The following OR1C1 variants were observed in gnomAD, a reference collection of about 807,000 sequenced individuals.
OR1C1 encodes the protein olfactory receptor family 1 subfamily C member 1.
For synonymous variants in OR1C1, 153 were observed against 154.6 expected, an observed-to-expected ratio of 0.99 and a Z score of 0.08; for missense variants, 407 against 384.3, an observed-to-expected ratio of 1.06 and a Z score of -0.49.
rs1031287267 is a variant in OR1C1, at chr1:247,757,258, C to T, written c.*204G>A. 3.7e-6 allele frequency: 2 copies of T among 535,720 alleles called. No homozygotes were observed. Among genetic ancestry groups the T allele is most frequent in the African/African-American group, 3.8e-5 (2 of 52,938 alleles). The allele number at this position is 535,720 out of a possible 1,614,324, so 33.2% of individuals were successfully genotyped here. ...GACTATTTAACTTCCCTAAGATTCA[C>T]TTTCTGTATAAAGAATGCTATATGG... On this transcript the variant is annotated 3_prime_UTR_variant, in exon 2 of 2. Transcript: ENST00000641256.
chr1:247,759,664 G>A (rs1661294888), intron 1 of OR1C1, among the ~76,000 whole-genome samples: 1 of 152,074 alleles, frequency 6.6e-6, no homozygotes, highest in Non-Finnish European at 1.5e-5. Context: ...TTTATGCTAA[G>A]ACAGCTGATT....
Position 247,757,652 on chromosome 1 carries a change from T to TA in OR1C1, c.754dup (p.Tyr252LeufsTer18). On this transcript the variant is annotated frameshift_variant, in exon 2 of 2. Coordinates refer to ENST00000641256, the MANE Select transcript of OR1C1 (RefSeq NM_012353.3). LOFTEE classifies it low-confidence loss of function (END_TRUNC). ...GAAATAGACGGCGATGGCTGTGCCG[T>TA]AAAACAACACCACCACTGACAGGTG... 1.2e-6 allele frequency: 2 copies of TA among 1,613,922 alleles called. No individual in the cohort carries two copies. Among genetic ancestry groups the TA allele is most frequent in the Non-Finnish European group, 1.7e-6 (2 of 1,179,986 alleles).
Position 247,757,458 on chromosome 1 carries a change from G to A in OR1C1, c.*4C>T, listed in dbSNP as rs780462743. 4 of 1,603,200 alleles carry A rather than the reference G, an allele frequency of 2.5e-6. No homozygotes were observed. The highest frequency in any genetic ancestry group is 3.3e-5 in the Admixed American group (2 of 59,810). ...AGTATTATTTAATTCAGTCACTGAG[G>A]TCATTATTGCTGCTGAAAGACTGTG... On this transcript the variant is annotated 3_prime_UTR_variant, in exon 2 of 2. Coordinates refer to ENST00000641256, the MANE Select transcript of OR1C1 (RefSeq NM_012353.3).
At position 247,754,972 on chromosome 1, in the gene OR1C1, GGTA is replaced by G. The variant is rs1428225568; in HGVS notation, c.*2487_*2489del. On this transcript the variant is annotated 3_prime_UTR_variant, in exon 2 of 2. Coordinates refer to ENST00000641256, the MANE Select transcript of OR1C1 (RefSeq NM_012353.3). ...AAGATACAGTAATCAAAAATGGCAT[GGTA>G]CTGGCATAAAAATAGACACATAGAA... The G allele has an allele frequency of 2.0e-5, 3 of 152,022 alleles. No individual in the cohort carries two copies. The highest frequency in any genetic ancestry group is 6.6e-5 in the Admixed American group (1 of 15,258). The allele number at this position is 152,022 out of a possible 1,614,324, so 9.4% of individuals were successfully genotyped here. A position where few individuals can be genotyped will look rare whatever the true frequency, so the allele number is the denominator to read the frequency against.
chr1:247,760,093 A>G (rs1263569331), intron 1 of OR1C1, among the ~76,000 whole-genome samples: 1 of 152,226 alleles, frequency 6.6e-6, no homozygotes, highest in Non-Finnish European at 1.5e-5. Context: ...TTAGGATATA[A>G]CACATATATG....
rs1435562145 is a variant in OR1C1 at position 247,755,728 on chromosome 1, C to T, written c.*1734G>A. ...CGGTGGGAATGTAGATTAGTATAGC[C>T]CTTATGGAAAACAGTATGACGTTTA... On this transcript the variant is annotated 3_prime_UTR_variant, in exon 2 of 2. Transcript: ENST00000641256. 2 of 151,750 alleles carry T rather than the reference C, an allele frequency of 1.3e-5. No homozygotes were observed. Among genetic ancestry groups the T allele is most frequent in the Non-Finnish European group, 2.9e-5 (2 of 67,940 alleles). 9.4% of individuals were successfully genotyped at this position (151,750 alleles called of 1,614,324 possible). A position where few individuals can be genotyped will look rare whatever the true frequency, so the allele number is the denominator to read the frequency against.
chr1:247,757,464 A>AT lies in OR1C1; in HGVS notation c.942dup (p.Ter315IlefsTer20). ...ATTTAATTCAGTCACTGAGGTCATT[A>AT]TTGCTGCTGAAAGACTGTGCACTTG... On this transcript the variant is annotated frameshift_variant, in exon 2 of 2. Transcript: ENST00000641256. LOFTEE classifies it high-confidence loss of function. 6.2e-7 allele frequency: 1 copy of AT among 1,609,094 alleles called. No individual in the cohort carries two copies. The highest frequency in any genetic ancestry group is 8.5e-7 in the Non-Finnish European group (1 of 1,176,444).
In OR1C1 at chr1:247,758,209, C is replaced by T; in HGVS notation, c.198G>A (p.Leu66=). The T allele has an allele frequency of 6.2e-7, 1 of 1,613,948 alleles. No individual in the cohort carries two copies. The highest frequency in any genetic ancestry group is 8.5e-7 in the Non-Finnish European group (1 of 1,179,984). Residue 66 remains leucine (L), a synonymous_variant, in exon 2 of 2, where the codon TTG becomes TTA. Coordinates refer to ENST00000641256, the MANE Select transcript of OR1C1 (RefSeq NM_012353.3). ...ACGTAAAGCAGATGTCAACAAAGGCCAAGTTACTAAGGAAGAAGTACATAG... is the reference window on the plus strand; with the variant it reads ...ACGTAAAGCAGATGTCAACAAAGGCTAAGTTACTAAGGAAGAAGTACATAG... The part of the protein sequence containing the change: ...HSPMYFFLSN[L]AFVDICFTST...
rs750401266 is a variant in OR1C1 at position 247,756,085 on chromosome 1, C to T, written c.*1377G>A. On this transcript the variant is annotated 3_prime_UTR_variant, in exon 2 of 2. Transcript: ENST00000641256. The surrounding 1 kb of genome is among the most constrained non-coding windows in gnomAD (Gnocchi z 4.3). ...AAAACTGAAGTTACAATTTACTTCA[C>T]CAATGCTTTTATTTATTTATTTATA... 2 of 152,138 alleles carry T rather than the reference C, an allele frequency of 1.3e-5. No homozygotes were observed. The highest frequency in any genetic ancestry group is 2.4e-5 in the African/African-American group (1 of 41,444). The allele number at this position is 152,138 out of a possible 1,614,324, so 9.4% of individuals were successfully genotyped here. A position where few individuals can be genotyped will look rare whatever the true frequency, so the allele number is the denominator to read the frequency against.
Position 247,757,840 on chromosome 1 carries a change from G to A in OR1C1, c.567C>T (p.Cys189=), listed in dbSNP as rs371761708. 6.2e-7 allele frequency: 1 copy of A among 1,614,016 alleles called. No homozygotes were observed. The highest frequency in any genetic ancestry group is 8.5e-7 in the Non-Finnish European group (1 of 1,179,968). The part of the protein sequence containing the change: ...CDLNPLLQLS[C]SDVSFNVMII... The stretch of plus-strand genomic sequence containing the variant: ...TCATTACATTGAAGGAGACGTCAGA[G>A]CAAGAGAGCTGCAGGAGAGGATTGA... The change falls in exon 2 of 2, where the codon TGC becomes TGT. Residue 189 remains cysteine (C), a synonymous_variant. Coordinates refer to ENST00000641256, the MANE Select transcript of OR1C1 (RefSeq NM_012353.3).
rs1460684135 is a variant in OR1C1, at chr1:247,754,903, G to A, written c.*2559C>T. ...AAACATCCCTGTGTACTCCATAAGT[G>A]TGTATGATTATTTTATGCCAATTAA... On this transcript the variant is annotated 3_prime_UTR_variant, in exon 2 of 2. Transcript: ENST00000641256. The A allele has an allele frequency of 1.3e-5, 2 of 152,128 alleles. No homozygotes were observed. The highest frequency in any genetic ancestry group is 6.6e-5 in the Admixed American group (1 of 15,258). 9.4% of individuals were successfully genotyped at this position (152,128 alleles called of 1,614,324 possible). A position where few individuals can be genotyped will look rare whatever the true frequency, so the allele number is the denominator to read the frequency against.
chr1:247,759,357 G>A (rs892380621), intron 1 of OR1C1, among the ~76,000 whole-genome samples: 21 of 152,120 alleles, frequency 1.4e-4, no homozygotes, highest in Non-Finnish European at 2.4e-4. Context: ...TAGGACCAAA[G>A]TTTTTTTCTG....
chr1:247,757,183 T>G lies in OR1C1; in HGVS notation c.*279A>C. ...ATCACAGAGATTCTCATCACTAAGG[T>G]ATATTTGTACTGGAGTCAGAAACTA... On this transcript the variant is annotated 3_prime_UTR_variant, in exon 2 of 2. Coordinates refer to ENST00000641256, the MANE Select transcript of OR1C1 (RefSeq NM_012353.3). The G allele has an allele frequency of 3.9e-6, 1 of 253,408 alleles. No individual in the cohort carries two copies. Among genetic ancestry groups the G allele is most frequent in the Non-Finnish European group, 7.2e-6 (1 of 139,162 alleles). 15.7% of individuals were successfully genotyped at this position (253,408 alleles called of 1,614,324 possible).
intron 1 of OR1C1, among the ~76,000 whole-genome samples, chr1:247,759,257 C>G (rs987388177): frequency 2.0e-5 from 3 of 152,116 alleles, no homozygotes. Context: ...TAACAATAAG[C>G]AAGCAAACAT....
chr1:247,758,107 C>T lies in OR1C1; in HGVS notation c.300G>A (p.Gln100=). ...TCACAAAAGAAACGAAGAAGAAGAG[C>T]TGGGTGAGGCAGCCTGCAAAAGAGA... The part of the protein sequence containing the change: ...KTISFAGCLT[Q]LFFFVSFVNM... The change falls in exon 2 of 2, where the codon CAG becomes CAA. Residue 100 remains glutamine (Q), a synonymous_variant. Transcript: ENST00000641256. 6.2e-7 allele frequency: 1 copy of T among 1,614,064 alleles called. No individual in the cohort carries two copies. Among genetic ancestry groups the T allele is most frequent in the African/African-American group, 1.3e-5 (1 of 75,014 alleles).
chr1:247,754,965 A>G lies in OR1C1; in HGVS notation c.*2497T>C, dbSNP rs537580588. 20 of 152,316 alleles carry G rather than the reference A, an allele frequency of 1.3e-4. No individual in the cohort carries two copies. The highest frequency in any genetic ancestry group is 4.1e-4 in the African/African-American group (17 of 41,578). 9.4% of individuals were successfully genotyped at this position (152,316 alleles called of 1,614,324 possible). Reference sequence around the variant, plus strand: ...CAATAAAAAGATACAGTAATCAAAAATGGCATGGTACTGGCATAAAAATAG... The same window carrying G: ...CAATAAAAAGATACAGTAATCAAAAGTGGCATGGTACTGGCATAAAAATAG... On this transcript the variant is annotated 3_prime_UTR_variant, in exon 2 of 2. Transcript: ENST00000641256.
chr1:247,757,555 C>T lies in OR1C1; in HGVS notation c.852G>A (p.Met284Ile). The change falls in exon 2 of 2, where the codon ATG becomes ATA. Residue 284 changes from methionine to isoleucine, a missense_variant. By Grantham distance (10) the Met-to-Ile change is conservative (BLOSUM62 1). Transcript: ENST00000641256. ...TTAGGGTATAGATGAAAGGATTCAGCATCGGAGCCACCATTGAATACATGA... is the reference window on the plus strand; with the variant it reads ...TTAGGGTATAGATGAAAGGATTCAGTATCGGAGCCACCATTGAATACATGA... ...STIMYSMVAP[M>I]LNPFIYTLRN... is the part of the protein sequence containing the mutation. 2 of 1,614,030 alleles carry T rather than the reference C, an allele frequency of 1.2e-6. No homozygotes were observed. The highest frequency in any genetic ancestry group is 1.1e-5 in the South Asian group (1 of 91,082).
At position 247,758,346 on chromosome 1, in the gene OR1C1, C is replaced by G. The variant is rs1298717661; in HGVS notation, c.61G>C (p.Ala21Pro). 6.2e-7 allele frequency: 1 copy of G among 1,613,608 alleles called. No homozygotes were observed. The highest frequency in any genetic ancestry group is 1.7e-5 in the Admixed American group (1 of 59,956). ...ACAGACAGGAGGTGCTGCTGCTCTG[C>G]TGAGCTAGGAAGTCCCAGAAGGACG... The part of the protein sequence containing the change: ...EFVLLGLPSS[A>P]EQQHLLSVLF... Residue 21 changes from alanine to proline, a missense_variant, in exon 2 of 2, where the codon GCA becomes CCA. Coordinates refer to ENST00000641256, the MANE Select transcript of OR1C1 (RefSeq NM_012353.3).
chr1:247,758,305 C>T lies in OR1C1; in HGVS notation c.102G>A (p.Met34Ile), dbSNP rs1201257706. ...TGTTCCCCAAGGTGGTGGCTAAATA[C>T]ATACAGAGAAAGAGCACAGACAGGA... ...QHLLSVLFLCMYLATTLGNML... is the reference protein window; with the variant it reads ...QHLLSVLFLCIYLATTLGNML... The change falls in exon 2 of 2, where the codon ATG (methionine) becomes ATA (isoleucine). Residue 34 changes from methionine (M) to isoleucine (I), a missense_variant. Coordinates refer to ENST00000641256, the MANE Select transcript of OR1C1 (RefSeq NM_012353.3). 2 of 1,613,860 alleles carry T rather than the reference C, an allele frequency of 1.2e-6. No individual in the cohort carries two copies. The highest frequency in any genetic ancestry group is 1.7e-6 in the Non-Finnish European group (2 of 1,179,894).
Sources: allele counts gnomAD v4.1 joint callset (sites outside exome capture counted in the v4.1 genomes callset), GRCh38; gene constraint gnomAD v4.1.1; non-coding constraint Gnocchi (gnomAD v3.1); transcripts MANE v1.5; gene names NCBI Gene and HGNC (gene_info 2026-07-23, HGNC 2026-07-21).